The following PDGFRA variants were observed in gnomAD, a reference collection of about 807,000 sequenced individuals.
PDGFRA encodes the protein platelet-derived growth factor receptor alpha.
Under a neutral mutation model 121.5 loss-of-function variants are expected in PDGFRA, and 25 were observed. That is an observed-to-expected ratio of 0.21 (90% CI 0.15 to 0.29). The LOEUF is 0.29. PDGFRA is among the 10% of genes least tolerant of loss of function. The probability of loss-of-function intolerance (pLI) is 1.00; values close to 1 mark genes in which losing one functional copy is unlikely to be tolerated. For missense variants in PDGFRA, 1,008 were observed against 1,345.1 expected (o/e 0.75, Z 3.92); for synonymous variants, 463 against 494.8 (o/e 0.94, Z 0.85).
chr4:54,234,485 A>C (rs1720897586), intron 1 of PDGFRA, among the ~76,000 whole-genome samples: 1 of 152,220 alleles, frequency 6.6e-6, no homozygotes, highest in African/African-American at 2.4e-5. Context: ...GGCTTCGCGG[A>C]GACCATTAGG....
intron 1 of PDGFRA, among the ~76,000 whole-genome samples, chr4:54,240,878 T>C (rs1183750452): frequency 6.6e-6 from 1 of 152,254 alleles, no homozygotes; most frequent in Non-Finnish European, 1.5e-5. Context: ...TCCTACATTA[T>C]GGCTAGAGCT....
intron 1 of PDGFRA, among the ~76,000 whole-genome samples, chr4:54,252,045 C>G (rs573375314): frequency 6.6e-6 from 1 of 152,338 alleles, no homozygotes; most frequent in African/African-American, 2.4e-5. Context: ...TTATTAGATT[C>G]TAGTCTCGTC....
chr4:54,295,119 C>T lies in PDGFRA; in HGVS notation c.3123-6C>T, dbSNP rs1365927669. Reference sequence around the variant, plus strand: ...TGTAATATTTGCTCTTCTCTCCCTCCTCCAGCTCGCAGACCTCTGAAGAGA... The same window carrying T: ...TGTAATATTTGCTCTTCTCTCCCTCTTCCAGCTCGCAGACCTCTGAAGAGA... On this transcript the variant is annotated splice_region_variant and splice_polypyrimidine_tract_variant and intron_variant, in intron 22 of 22. Transcript: ENST00000257290. 6.2e-7 allele frequency: 1 copy of T among 1,613,838 alleles called. No homozygotes were observed. Among genetic ancestry groups the T allele is most frequent in the Non-Finnish European group, 8.5e-7 (1 of 1,179,732 alleles).
chr4:54,251,000 G>A (rs1722025897), intron 1 of PDGFRA, among the ~76,000 whole-genome samples: 1 of 151,308 alleles, frequency 6.6e-6, no homozygotes, highest in South Asian at 2.1e-4. Context: ...GGGAGGCAGA[G>A]GTTGCAGTGA....
chr4:54,244,589 G>A (rs373412363), intron 1 of PDGFRA, among the ~76,000 whole-genome samples: 6 of 152,034 alleles, frequency 3.9e-5, no homozygotes, highest in South Asian at 2.1e-4. Context: ...ATCAAAGACC[G>A]AAAGTAGATA....
intron 7 of PDGFRA, among the ~76,000 whole-genome samples, chr4:54,269,756 C>T (rs1723236040): frequency 6.6e-6 from 1 of 151,438 alleles, no homozygotes; most frequent in South Asian, 2.1e-4. Flanking sequence ...GATTCTTCAG[C>T]TTCAGCCTCC....
chr4:54,296,537 T>C lies in PDGFRA; in HGVS notation c.*1265T>C. 4.3e-6 allele frequency: 1 copy of C among 232,608 alleles called. No individual in the cohort carries two copies. Among genetic ancestry groups the C allele is most frequent in the African/African-American group, 2.2e-5 (1 of 45,394 alleles). The allele number at this position is 232,608 out of a possible 1,614,324, so 14.4% of individuals were successfully genotyped here. ...TTTGAAACTCGAGACCATAAAGATA[T>C]TCTTTAGTGGAGGCTGGATGTGCAT... On this transcript the variant is annotated 3_prime_UTR_variant, in exon 23 of 23. Coordinates refer to ENST00000257290, the MANE Select transcript of PDGFRA (RefSeq NM_006206.6).
chr4:54,246,944 T>G (rs1721712447), intron 1 of PDGFRA, among the ~76,000 whole-genome samples: 1 of 151,796 alleles, frequency 6.6e-6, no homozygotes, highest in African/African-American at 2.4e-5. Flanking sequence ...CAAACACCTC[T>G]ATGCAAATAA....
intron 17 of PDGFRA, 145 bp from the exon 18 acceptor site, chr4:54,285,696 T>A (rs1724319835): frequency 4.5e-6 from 4 of 880,060 alleles, no homozygotes. Flanking sequence ...TGGGAGTGGG[T>A]GGAGTGAGAA....
At chr4:54,236,739 G>T (rs1403224552) in intron 1 of PDGFRA, among the ~76,000 whole-genome samples, 1 of 151,946 alleles carries the variant, frequency 6.6e-6, no homozygotes, top group East Asian at 1.9e-4. Flanking sequence ...GGAGGCAGAG[G>T]TTGCAATGAG....
intron 4 of PDGFRA, 79 bp from the exon 5 acceptor site, chr4:54,264,840 A>G: frequency 1.4e-6 from 2 of 1,403,022 alleles, no homozygotes; most frequent in Non-Finnish European, 2.0e-6. Flanking sequence ...TTCTTAAAAA[A>G]AAAAAAAAAA....
intron 5 of PDGFRA, among the ~76,000 whole-genome samples, chr4:54,266,971 G>A (rs1723061755): frequency 6.6e-6 from 1 of 152,216 alleles, no homozygotes; most frequent in Non-Finnish European, 1.5e-5. Context: ...AGCAGAGTGA[G>A]ATTCTGTCTC....
intron 15 of PDGFRA, among the ~76,000 whole-genome samples, chr4:54,279,721 G>A (rs1007650243): frequency 3.5e-4 from 53 of 151,966 alleles, no homozygotes; most frequent in Admixed American, 2.6e-4. Context: ...ATTTTTCCCC[G>A]AGTCCCCAAG....
At chr4:54,281,641 C>A (rs747101584) in intron 16 of PDGFRA, 1 of 1,360,102 alleles carries the variant, frequency 7.4e-7, no homozygotes, top group Non-Finnish European at 9.7e-7. Context: ...CAGGCCCAAG[C>A]CCTGTTGGCA....
chr4:54,277,156 C>A lies in PDGFRA; in HGVS notation c.1787-232C>A, dbSNP rs111624835. ...GGGAGGGCTGCACCCTCCTTTCTCC[C>A]GTCTGTGTTTTCTTTCCCTTGCAAG... On this transcript the variant is annotated intron_variant, in intron 12 of 22. Coordinates refer to ENST00000257290, the MANE Select transcript of PDGFRA (RefSeq NM_006206.6). The A allele has an allele frequency of 3.1e-3, 1,749 of 560,872 alleles. 14 individuals carry two copies. Among genetic ancestry groups the A allele is most frequent in the African/African-American group, 0.03 (1,573 of 52,800 alleles). The allele number at this position is 560,872 out of a possible 1,614,324, so 34.7% of individuals were successfully genotyped here.
rs2110341531 is a variant in PDGFRA at position 54,287,492 on chromosome 4, G to A, written c.2625G>A (p.Leu875=). 6.4e-7 allele frequency: 1 copy of A among 1,573,474 alleles called. No individual in the cohort carries two copies. Among genetic ancestry groups the A allele is most frequent in the Non-Finnish European group, 8.7e-7 (1 of 1,142,984 alleles). ...ESIFDNLYTT[L]SDVWSYGILL... ...TCTTTGACAACCTCTACACCACACT[G>A]AGTGATGTCTGGTCTTATGGCATTC... The change falls in exon 19 of 23, where the codon CTG becomes CTA. Residue 875 remains leucine, a synonymous_variant. Coordinates refer to ENST00000257290, the MANE Select transcript of PDGFRA (RefSeq NM_006206.6).
In PDGFRA at chr4:54,285,500, A is replaced by G; in HGVS notation, c.2439+14A>G. ...GCTTCAAAAAATGTAAGTTCAAGGAACACAGACCTTTTTAGACCCAGATTT... is the reference window on the plus strand; with the variant it reads ...GCTTCAAAAAATGTAAGTTCAAGGAGCACAGACCTTTTTAGACCCAGATTT... On this transcript the variant is annotated intron_variant, in intron 17 of 22. Coordinates refer to ENST00000257290, the MANE Select transcript of PDGFRA (RefSeq NM_006206.6). 8.9e-7 allele frequency: 1 copy of G among 1,121,006 alleles called. No homozygotes were observed. Among genetic ancestry groups the G allele is most frequent in the South Asian group, 1.2e-5 (1 of 81,232 alleles). 69.4% of individuals were successfully genotyped at this position (1,121,006 alleles called of 1,614,324 possible).
chr4:54,249,209 T>C (rs540135113), intron 1 of PDGFRA, among the ~76,000 whole-genome samples: 4 of 152,326 alleles, frequency 2.6e-5, no homozygotes, highest in Admixed American at 2.6e-4. Context: ...GTTCAACCCT[T>C]GTGGAAGTCA....
chr4:54,270,780 C>T (rs764916651), intron 8 of PDGFRA, 32 bp downstream of exon 8: 1 of 1,182,354 alleles, frequency 8.5e-7, no homozygotes, highest in Non-Finnish European at 1.3e-6. Context: ...ATAATGCTAG[C>T]TCTGTAGATG....
Sources: gnomAD v4.1 joint callset for allele counts (sites outside exome capture counted in the v4.1 genomes callset) on GRCh38, gnomAD v4.1.1 for gene constraint, MANE v1.5 for transcripts, NCBI Gene and HGNC (gene_info 2026-07-23, HGNC 2026-07-21) for gene names.